SLC44A3: variants seen among roughly 807,000 people sequenced by gnomAD.
The protein encoded by SLC44A3 is solute carrier family 44 member 3.
Under a neutral mutation model 75.4 loss-of-function variants are expected in SLC44A3, and 74 were observed. The ratio of observed to expected loss-of-function variants is 0.98; its 90% CI spans 0.81 to 1.19. SLC44A3 has a LOEUF of 1.19. SLC44A3 is among the 50% of genes most tolerant of loss of function. The pLI is 0.00. For synonymous variants in SLC44A3, 310 were observed against 296.9 expected (o/e 1.04, Z -0.45); for missense variants, 700 against 778.6 (o/e 0.90, Z 1.20).
intron 2 of SLC44A3, 150 bp downstream of exon 2, chr1:94,821,206 C>G (rs1002731001): frequency 1.5e-6 from 1 of 666,008 alleles, no homozygotes; most frequent in African/African-American, 1.8e-5. Context: ...CGGGAGAATT[C>G]TTGTCCTAGA....
intron 11 of SLC44A3, among the ~76,000 whole-genome samples, chr1:94,865,747 C>T (rs140744930): frequency 1.8e-4 from 27 of 152,292 alleles, no homozygotes; most frequent in African/African-American, 6.0e-4. Flanking sequence ...CACAAACTTA[C>T]CTGATTCCAA....
At chr1:94,858,843 C>G (rs1403838682) in intron 10 of SLC44A3, among the ~76,000 whole-genome samples, 3 of 152,264 alleles carry the variant, frequency 2.0e-5, no homozygotes, top group East Asian at 1.9e-4. Flanking sequence ...AGGCGCCCAC[C>G]ACCACGCCTG....
chr1:94,850,798 A>G (rs1665123364), intron 9 of SLC44A3, among the ~76,000 whole-genome samples: 1 of 152,226 alleles, frequency 6.6e-6, no homozygotes. Context: ...AACATCTAGT[A>G]CCTTCAGCTC....
At chr1:94,885,107 G>A (rs1336665131) in intron 12 of SLC44A3, among the ~76,000 whole-genome samples, 2 of 151,620 alleles carry the variant, frequency 1.3e-5, no homozygotes, top group South Asian at 2.1e-4. Flanking sequence ...TTAGCCAGGC[G>A]TGGTGGGTGC....
At chr1:94,866,290 G>A (rs1441743564) in intron 11 of SLC44A3, among the ~76,000 whole-genome samples, 1 of 152,124 alleles carries the variant, frequency 6.6e-6, no homozygotes, top group Non-Finnish European at 1.5e-5. Flanking sequence ...TGGGGAAACG[G>A]CCTTTCATAA....
chr1:94,891,391 C>A, intron 13 of SLC44A3, 124 bp downstream of exon 13: 1 of 1,023,642 alleles, frequency 9.8e-7, no homozygotes, highest in Non-Finnish European at 1.4e-6. Context: ...GCTTCATTAT[C>A]TCATTTAATC....
intron 14 of SLC44A3, among the ~76,000 whole-genome samples, chr1:94,894,335 A>G (rs1026565785): frequency 1.3e-5 from 2 of 152,168 alleles, no homozygotes; most frequent in African/African-American, 4.8e-5. Context: ...TGTCATCTGA[A>G]TGAAATCCCC....
chr1:94,835,381 C>A (rs1038480848), intron 5 of SLC44A3, among the ~76,000 whole-genome samples: 3 of 152,132 alleles, frequency 2.0e-5, no homozygotes, highest in African/African-American at 7.2e-5. Flanking sequence ...AAGGATGTTA[C>A]GGTGAAATCC....
chr1:94,839,591 G>T (rs1338357718), intron 6 of SLC44A3, among the ~76,000 whole-genome samples: 2 of 152,088 alleles, frequency 1.3e-5, no homozygotes, highest in Non-Finnish European at 2.9e-5. Context: ...GTTTTGCCAG[G>T]TTGGCCAGGC....
chr1:94,885,194 T>TA (rs1223734624), intron 12 of SLC44A3, among the ~76,000 whole-genome samples: 1 of 125,594 alleles, frequency 8.0e-6, no homozygotes, highest in Non-Finnish European at 1.5e-5. Flanking sequence ...CATTGCACTT[T>TA]AGCCTGGGCG....
At chr1:94,879,259 C>T (rs997391924) in intron 12 of SLC44A3, among the ~76,000 whole-genome samples, 18 of 151,198 alleles carry the variant, frequency 1.2e-4, no homozygotes, top group East Asian at 1.9e-4. Flanking sequence ...GACGGCCGGG[C>T]GCAGTGGCTC....
intron 9 of SLC44A3, among the ~76,000 whole-genome samples, chr1:94,846,995 C>T (rs1024568264): frequency 6.6e-6 from 1 of 152,262 alleles, no homozygotes; most frequent in African/African-American, 2.4e-5. Flanking sequence ...CCTATGTTTC[C>T]ACCTTCAGAG....
chr1:94,837,972 A>T, intron 6 of SLC44A3, 101 bp downstream of exon 6: 1 of 1,081,722 alleles, frequency 9.2e-7, no homozygotes, highest in Non-Finnish European at 1.3e-6. Flanking sequence ...TGTTTTAAAT[A>T]TAAAACTCTG....
chr1:94,847,056 C>T (rs1387438261), intron 9 of SLC44A3, among the ~76,000 whole-genome samples: 1 of 152,232 alleles, frequency 6.6e-6, no homozygotes, highest in African/African-American at 2.4e-5. Flanking sequence ...TCGCTGAAGG[C>T]CTGCAGTGAA....
chr1:94,835,426 A>G (rs1571203529), intron 5 of SLC44A3, among the ~76,000 whole-genome samples: 1 of 152,382 alleles, frequency 6.6e-6, no homozygotes, highest in African/African-American at 2.4e-5. Context: ...TAGTTTAGTG[A>G]CAATGTTAAA....
chr1:94,875,638 C>CT (rs1668196228), intron 12 of SLC44A3, among the ~76,000 whole-genome samples: 1 of 63,758 alleles, frequency 1.6e-5, no homozygotes, highest in Non-Finnish European at 3.5e-5. Context: ...ATGGAGGAGG[C>CT]CATGCTCATG....
intron 12 of SLC44A3, among the ~76,000 whole-genome samples, chr1:94,879,223 A>AAAC (rs1553210155): frequency 4.0e-5 from 6 of 151,832 alleles, no homozygotes; most frequent in African/African-American, 1.5e-4. Flanking sequence ...ACAAAAAAAA[A>AAAC]AAACCCGATT....
intron 5 of SLC44A3, among the ~76,000 whole-genome samples, chr1:94,835,400 G>A (rs77504422): frequency 2.0e-5 from 3 of 152,188 alleles, no homozygotes; most frequent in Admixed American, 6.5e-5. Context: ...CCAAATAAAG[G>A]CTGTAGTTTA....
intron 12 of SLC44A3, among the ~76,000 whole-genome samples, chr1:94,872,771 C>A (rs1419719250): frequency 6.6e-6 from 1 of 152,340 alleles, no homozygotes; most frequent in East Asian, 1.9e-4. Flanking sequence ...TGCTGCCCCA[C>A]AGCATCAAAG....
Sources: gnomAD v4.1 joint callset for allele counts (sites outside exome capture counted in the v4.1 genomes callset) on GRCh38, gnomAD v4.1.1 for gene constraint, MANE v1.5 for transcripts, NCBI Gene and HGNC (gene_info 2026-07-23, HGNC 2026-07-21) for gene names.